The following PATJ variants were observed in gnomAD, a reference collection of about 807,000 sequenced individuals.
The protein encoded by PATJ is inaD-like protein.
Under a neutral mutation model 224.9 loss-of-function variants are expected in PATJ, and 190 were observed. The ratio of observed to expected loss-of-function variants is 0.84; its 90% CI spans 0.75 to 0.95. The LOEUF (loss-of-function observed/expected upper bound fraction) is 0.95, where lower values mean the gene tolerates loss of function less well. Among genes scored for constraint, PATJ ranks in the 40% least tolerant of loss-of-function variants. The probability of loss-of-function intolerance (pLI) is 0.00; values close to 1 mark genes in which losing one functional copy is unlikely to be tolerated. For synonymous variants in PATJ, 769 were observed against 820.3 expected (o/e 0.94, Z 1.07); for missense variants, 2,121 against 2,270.3 (o/e 0.93, Z 1.34).
At chr1:62,027,590 A>T (rs537796944) in intron 29 of PATJ, among the ~76,000 whole-genome samples, 2 of 149,520 alleles carry the variant, frequency 1.3e-5, no homozygotes, top group East Asian at 3.9e-4. Flanking sequence ...CCAACAATGT[A>T]CACAGGTTTT....
At chr1:61,836,512 A>G (rs762946556) in intron 17 of PATJ, among the ~76,000 whole-genome samples, 62 of 152,210 alleles carry the variant, frequency 4.1e-4, no homozygotes, top group Non-Finnish European at 6.5e-4. Flanking sequence ...AGGGGAACAC[A>G]TTCAATCCTA....
intron 27 of PATJ, among the ~76,000 whole-genome samples, chr1:61,972,538 T>C (rs886931500): frequency 8.5e-5 from 13 of 152,086 alleles, no homozygotes; most frequent in Non-Finnish European, 1.9e-4. Flanking sequence ...GCCTGTTTCC[T>C]CATTTGTAAA....
At position 61,815,847 on chromosome 1, in the gene PATJ, A is replaced by G. The variant is rs139582236; in HGVS notation, c.1684-7098A>G. ...CTTCTAGGAAGCTGTTAATCATGAC[A>G]CAAGAACAGTTTTCCCGCATCTAGG... On this transcript the variant is annotated intron_variant, in intron 14 of 43. Coordinates refer to ENST00000642238, the MANE Select transcript of PATJ (RefSeq NM_001350145.3). Among the ~76,000 whole-genome samples the G allele has an allele frequency of 6.6e-5, 10 of 152,302 alleles. No homozygotes were observed. In the East Asian group the frequency reaches 1.5e-3, roughly 23 times the overall value.
chr1:62,090,982 T>C (rs762926293), intron 33 of PATJ, among the ~76,000 whole-genome samples: 2 of 152,234 alleles, frequency 1.3e-5, no homozygotes, highest in Non-Finnish European at 2.9e-5. Context: ...ACTTCAGAAC[T>C]AAATCCTTTA....
chr1:61,864,778 G>T, intron 20 of PATJ, 145 bp downstream of exon 20: 1 of 641,482 alleles, frequency 1.6e-6, no homozygotes, highest in Non-Finnish European at 2.6e-6. Flanking sequence ...GTCATCCAGT[G>T]TCTAGCTGTA....
chr1:61,805,449 A>C lies in PATJ; in HGVS notation c.1551A>C (p.Glu517Asp). The C allele has an allele frequency of 6.3e-7, 1 of 1,596,582 alleles. No homozygotes were observed. The change falls in exon 13 of 44, where the codon GAA becomes GAC. Residue 517 changes from glutamate (E) to aspartate (D), a missense_variant and splice_region_variant. Coordinates refer to ENST00000642238, the MANE Select transcript of PATJ (RefSeq NM_001350145.3). ...TCTCTCTTTTTTTTTAATATCCAGA[A>C]AAAGTCCCAGACTCTCCAGAAAATG... ...NDNIQALEKL[E>D]KVPDSPENEL...
At chr1:61,794,709 C>T (rs192308831) in intron 9 of PATJ, among the ~76,000 whole-genome samples, 151 of 151,884 alleles carry the variant, frequency 9.9e-4, no homozygotes, top group African/African-American at 3.4e-3. Context: ...TTTTCTGGGC[C>T]AGGCGTGGTG....
Position 62,009,223 on chromosome 1 carries a change from T to G in PATJ, c.3868-8633T>G, listed in dbSNP as rs1220076349. 3.9e-5 allele frequency among the ~76,000 whole-genome samples: 6 copies of G among 152,280 alleles called. No individual in the cohort carries two copies. The East Asian group carries it at 1.2e-3, about 29-fold the overall frequency. ...AAGCTAAAAGGGTAGTCAACCTATA[T>G]ATATATTGAACCTATTTATTTACAG... On this transcript the variant is annotated intron_variant, in intron 28 of 43. Transcript: ENST00000642238.
At chr1:61,881,080 C>A (rs151009362) in intron 21 of PATJ, among the ~76,000 whole-genome samples, 2 of 152,264 alleles carry the variant, frequency 1.3e-5, no homozygotes, top group African/African-American at 2.4e-5. Flanking sequence ...GGTGACCAAG[C>A]GAGACCTTGT....
intron 17 of PATJ, 82 bp downstream of exon 17, chr1:61,833,867 C>A: frequency 1.5e-6 from 2 of 1,301,544 alleles, no homozygotes; most frequent in Non-Finnish European, 2.1e-6. Flanking sequence ...TGTTTAAGAC[C>A]CCTATTGACT....
chr1:61,892,663 CTT>C lies in PATJ; in HGVS notation c.3132-6918_3132-6917del, dbSNP rs1669768772. 3.3e-5 allele frequency among the ~76,000 whole-genome samples: 5 copies of C among 152,110 alleles called. No individual in the cohort carries two copies. The South Asian group carries it at 1.0e-3, about 32-fold the overall frequency. On this transcript the variant is annotated intron_variant, in intron 22 of 43. Transcript: ENST00000642238. ...GCAAAAGTTCAGTTCATTTTTAAGA[CTT>C]TATTTCTTTAAAGCAGTATTTGGTT...
intron 24 of PATJ, among the ~76,000 whole-genome samples, chr1:61,904,140 G>A (rs1671562179): frequency 6.6e-6 from 1 of 151,860 alleles, no homozygotes; most frequent in Non-Finnish European, 1.5e-5. Context: ...TGTATTTTTT[G>A]TAAGCAACAT....
intron 28 of PATJ, among the ~76,000 whole-genome samples, chr1:62,015,543 G>GA (rs1307501722): frequency 6.6e-6 from 1 of 151,940 alleles, no homozygotes; most frequent in African/African-American, 2.4e-5. Flanking sequence ...TTTCGTGTGT[G>GA]TGTGTGCGTG....
chr1:62,147,055 G>A (rs1028837573), intron 41 of PATJ, among the ~76,000 whole-genome samples: 7 of 152,130 alleles, frequency 4.6e-5, no homozygotes, highest in Non-Finnish European at 1.0e-4. Flanking sequence ...ATCCAGTTGT[G>A]ACATCCAGTG....
chr1:62,086,597 G>A lies in PATJ; in HGVS notation c.4377+1949G>A, dbSNP rs17123054. ...ATTTTTTTCCACATTGGGCAGTAAT[G>A]TAACATTTTTGTGGTAGTACTGTTG... On this transcript the variant is annotated intron_variant, in intron 33 of 43. Transcript: ENST00000642238. This position sits in a 1 kb window ranked among gnomAD's most constrained non-coding sequence, Gnocchi z 4.0. Among the ~76,000 whole-genome samples the A allele has an allele frequency of 0.081, 12,389 of 152,166 alleles. 943 individuals carry two copies. The highest frequency in any genetic ancestry group is 0.2 in the African/African-American group (8,504 of 41,488).
chr1:61,988,991 C>T (rs905555671), intron 27 of PATJ, among the ~76,000 whole-genome samples: 5 of 152,198 alleles, frequency 3.3e-5, no homozygotes, highest in African/African-American at 1.2e-4. Context: ...ATGATTGCTT[C>T]CAGCCATGGT....
chr1:61,818,335 C>A (rs1656574964), intron 14 of PATJ, among the ~76,000 whole-genome samples: 1 of 152,174 alleles, frequency 6.6e-6, no homozygotes, highest in Non-Finnish European at 1.5e-5. Context: ...GAACCCCTCA[C>A]AAAACGTTGA....
intron 26 of PATJ, among the ~76,000 whole-genome samples, chr1:61,923,382 G>A (rs1313865380): frequency 6.6e-6 from 1 of 152,198 alleles, no homozygotes; most frequent in Non-Finnish European, 1.5e-5. Flanking sequence ...AATGTAATTA[G>A]TATGAAAATA....
intron 41 of PATJ, among the ~76,000 whole-genome samples, chr1:62,134,987 C>T (rs907918405): frequency 4.9e-5 from 5 of 102,706 alleles, no homozygotes; most frequent in African/African-American, 1.6e-4. Flanking sequence ...GCAGAGCAGG[C>T]GCGTCATGGC....
Sources: gnomAD v4.1 joint callset for allele counts (sites outside exome capture counted in the v4.1 genomes callset) on GRCh38, gnomAD v4.1.1 for gene constraint, Gnocchi (gnomAD v3.1) non-coding constraint, MANE v1.5 for transcripts, NCBI Gene and HGNC (gene_info 2026-07-23, HGNC 2026-07-21) for gene names.